The following TMPRSS15 variants were observed in gnomAD, a reference collection of about 807,000 sequenced individuals.
The protein encoded by TMPRSS15 is enteropeptidase.
A neutral mutation model predicts 125.3 loss-of-function variants in TMPRSS15; 128 were observed. That is an observed-to-expected ratio of 1.02 (90% CI 0.89 to 1.18). The LOEUF is 1.18. TMPRSS15 is among the 50% of genes most tolerant of loss of function. TMPRSS15 has a pLI of 0.00. For missense variants in TMPRSS15, 1,283 were observed against 1,212.7 expected (o/e 1.06, Z -0.86); for synonymous variants, 446 against 423.2 (o/e 1.05, Z -0.66).
chr21:18,375,199 G>A (rs1281820765), intron 5 of TMPRSS15, among the ~76,000 whole-genome samples: 1 of 152,090 alleles, frequency 6.6e-6, no homozygotes, highest in Non-Finnish European at 1.5e-5. Flanking sequence ...TTATGCAATG[G>A]TAGTGAGTTT....
intron 10 of TMPRSS15, among the ~76,000 whole-genome samples, chr21:18,345,356 G>A (rs562456070): frequency 6.6e-6 from 1 of 152,232 alleles, no homozygotes; most frequent in South Asian, 2.1e-4. Context: ...AGAGGTCCCA[G>A]AATCTACTCT....
intron 1 of TMPRSS15, among the ~76,000 whole-genome samples, chr21:18,472,853 T>C (rs539603521): frequency 6.6e-6 from 1 of 152,192 alleles, no homozygotes; most frequent in African/African-American, 2.4e-5. Flanking sequence ...ATGACCTTGT[T>C]GAAAATGTGA....
chr21:18,414,985 A>G (rs2076176327), intron 1 of TMPRSS15, among the ~76,000 whole-genome samples: 1 of 152,228 alleles, frequency 6.6e-6, no homozygotes, highest in East Asian at 1.9e-4. Flanking sequence ...CAAACACTGT[A>G]TAAGTGTTTC....
intron 1 of TMPRSS15, among the ~76,000 whole-genome samples, chr21:18,476,637 T>A (rs1419037008): frequency 6.6e-6 from 1 of 152,196 alleles, no homozygotes; most frequent in Admixed American, 6.6e-5. Flanking sequence ...TATATCCATG[T>A]AGATAGATGG....
At chr21:18,379,781 T>G (rs1214035983) in intron 4 of TMPRSS15, among the ~76,000 whole-genome samples, 1 of 152,108 alleles carries the variant, frequency 6.6e-6, no homozygotes, top group African/African-American at 2.4e-5. Flanking sequence ...TTACTTATTA[T>G]TTAATTTATT....
At chr21:18,310,379 C>G (rs60518022) in intron 18 of TMPRSS15, among the ~76,000 whole-genome samples, 3,995 of 151,694 alleles carry the variant, frequency 0.026, 162 homozygotes, top group African/African-American at 0.089. Context: ...ACAAAATAAA[C>G]AAAACAAAAT....
chr21:18,385,452 G>C (rs1377230599), intron 3 of TMPRSS15, among the ~76,000 whole-genome samples: 1 of 151,974 alleles, frequency 6.6e-6, no homozygotes, highest in African/African-American at 2.4e-5. Flanking sequence ...ACCTGGCCTT[G>C]GTCAACAGAA....
At chr21:18,362,666 T>A (rs760127548) in intron 7 of TMPRSS15, among the ~76,000 whole-genome samples, 12 of 152,226 alleles carry the variant, frequency 7.9e-5, no homozygotes, top group Non-Finnish European at 1.5e-4. Flanking sequence ...ATTTAATTTA[T>A]ACACTTTGTA....
At chr21:18,321,577 C>G (rs2075237495) in intron 16 of TMPRSS15, among the ~76,000 whole-genome samples, 1 of 152,128 alleles carries the variant, frequency 6.6e-6, no homozygotes, top group African/African-American at 2.4e-5. Context: ...TGGTCTCAAT[C>G]TCCTGCCTCT....
At chr21:18,284,736 T>G (rs2074742190) in intron 21 of TMPRSS15, among the ~76,000 whole-genome samples, 1 of 152,130 alleles carries the variant, frequency 6.6e-6, no homozygotes, top group African/African-American at 2.4e-5. Context: ...CATCTTCAGA[T>G]AGAAGTTGGC....
intron 13 of TMPRSS15, among the ~76,000 whole-genome samples, chr21:18,338,914 T>C (rs566325418): frequency 1.3e-5 from 2 of 152,266 alleles, no homozygotes; most frequent in South Asian, 4.1e-4. Flanking sequence ...TGAGAATGTA[T>C]GGTACTTTCC....
chr21:18,280,784 C>T (rs1473755322), intron 22 of TMPRSS15, among the ~76,000 whole-genome samples: 2 of 152,004 alleles, frequency 1.3e-5, no homozygotes, highest in African/African-American at 4.8e-5. Flanking sequence ...CTGAGCTTCT[C>T]CTTTGAGTTT....
intron 3 of TMPRSS15, among the ~76,000 whole-genome samples, chr21:18,392,468 C>G (rs1028687988): frequency 6.6e-6 from 1 of 152,128 alleles, no homozygotes. Flanking sequence ...CATCTGAGAT[C>G]ACCTCAACCT....
chr21:18,411,609 T>C (rs1405242705), intron 1 of TMPRSS15, among the ~76,000 whole-genome samples: 1 of 152,206 alleles, frequency 6.6e-6, no homozygotes, highest in Non-Finnish European at 1.5e-5. Context: ...TTCATTCTCT[T>C]TGCAATTCCT....
intron 1 of TMPRSS15, among the ~76,000 whole-genome samples, chr21:18,463,529 A>G (rs2122911098): frequency 0.077 from 11,640 of 152,056 alleles, 1,048 homozygotes; most frequent in African/African-American, 0.22. Flanking sequence ...CACTGTCGCT[A>G]TTAGAGAGAT....
intron 19 of TMPRSS15, 133 bp from the exon 20 acceptor site, chr21:18,294,785 C>T (rs2074882179): frequency 1.3e-6 from 1 of 789,228 alleles, no homozygotes; most frequent in Non-Finnish European, 2.1e-6. Flanking sequence ...TGTAGGGAGA[C>T]TGAATTGTAA....
intron 3 of TMPRSS15, among the ~76,000 whole-genome samples, chr21:18,386,532 G>A (rs1213138238): frequency 6.6e-6 from 1 of 152,158 alleles, no homozygotes; most frequent in East Asian, 1.9e-4. Context: ...ATTTATTTCT[G>A]CAATACTTCC....
At chr21:18,472,480 T>TATATATATATATATATACAC (rs1491127013) in intron 1 of TMPRSS15, among the ~76,000 whole-genome samples, 4 of 112,326 alleles carry the variant, frequency 3.6e-5, no homozygotes, top group African/African-American at 1.2e-4. Context: ...TATATATATA[T>TATATATATATATATATACAC]ACACACACAC....
intron 1 of TMPRSS15, among the ~76,000 whole-genome samples, chr21:18,459,201 ACTTAT>A (rs921075860): frequency 1.5e-4 from 23 of 151,912 alleles, no homozygotes; most frequent in African/African-American, 4.1e-4. Flanking sequence ...ATAAAAATCA[ACTTAT>A]CTTATAAGGG....
Sources: allele counts gnomAD v4.1 joint callset (sites outside exome capture counted in the v4.1 genomes callset), GRCh38; gene constraint gnomAD v4.1.1; transcripts MANE v1.5; gene names NCBI Gene and HGNC (gene_info 2026-07-23, HGNC 2026-07-21).